Variants in SPATA13 observed in about 807,000 individuals in gnomAD.
SPATA13 encodes the protein spermatogenesis-associated protein 13.
In SPATA13, 50 loss-of-function variants were observed where a neutral mutation model predicts 104.0. That is an observed-to-expected ratio of 0.48 (90% CI 0.38 to 0.61). SPATA13 has a LOEUF of 0.61. Ranked by LOEUF, SPATA13 falls within the 20% of genes least tolerant of loss-of-function variation. The pLI, the probability that SPATA13 is intolerant of heterozygous loss-of-function variation, is 0.00. For synonymous variants in SPATA13, 606 were observed against 667.5 expected, an observed-to-expected ratio of 0.91 and a Z score of 1.42; for missense variants, 1,524 against 1,690.6, an observed-to-expected ratio of 0.90 and a Z score of 1.73.
intron 3 of SPATA13, among the ~76,000 whole-genome samples, chr13:24,127,387 C>T (rs1881253295): frequency 1.3e-5 from 2 of 152,222 alleles, no homozygotes; most frequent in Admixed American, 6.5e-5. Context: ...ATTTCCTTCT[C>T]TCTCCCTCCA....
chr13:24,220,381 C>A (rs772086299), intron 1 of SPATA13, among the ~76,000 whole-genome samples: 2 of 151,602 alleles, frequency 1.3e-5, no homozygotes, highest in African/African-American at 4.9e-5. Flanking sequence ...GTATTCAGTG[C>A]GAGTCATAAG....
At chr13:24,084,564 A>C (rs1879658889) in intron 3 of SPATA13, among the ~76,000 whole-genome samples, 1 of 152,032 alleles carries the variant, frequency 6.6e-6, no homozygotes, top group East Asian at 1.9e-4. Context: ...AACACTACAC[A>C]GTTCTTCAGC....
chr13:24,202,744 T>C (rs1396608806), intron 1 of SPATA13, among the ~76,000 whole-genome samples: 1 of 152,094 alleles, frequency 6.6e-6, no homozygotes, highest in Non-Finnish European at 1.5e-5. Flanking sequence ...TGTTTTTGCA[T>C]TTATTATTTG....
chr13:24,149,829 T>C (rs778604753), intron 3 of SPATA13, among the ~76,000 whole-genome samples: 1 of 151,910 alleles, frequency 6.6e-6, no homozygotes, highest in African/African-American at 2.4e-5. Flanking sequence ...TTGAACTCGG[T>C]TGTGTGGGTG....
intron 4 of SPATA13, among the ~76,000 whole-genome samples, chr13:24,268,651 C>T (rs771363989): frequency 3.9e-5 from 6 of 152,024 alleles, no homozygotes; most frequent in Admixed American, 2.6e-4. Context: ...CCCAGCTACT[C>T]GGGAGGCTGA....
Position 24,278,791 on chromosome 13 carries a change from G to GA in SPATA13, c.2165-5336dup, listed in dbSNP as rs749470297. Reference sequence around the variant, plus strand: ...ACTCAAAAAAGAAAAATATAGAAAAGAAAAAAAATGTGCATCGCTATCATT... The same window carrying GA: ...ACTCAAAAAAGAAAAATATAGAAAAGAAAAAAAAATGTGCATCGCTATCATT... On this transcript the variant is annotated intron_variant, in intron 4 of 12. Coordinates refer to ENST00000382108, the MANE Select transcript of SPATA13 (RefSeq NM_001166271.3). 36 of 1,599,048 alleles carry GA rather than the reference G, an allele frequency of 2.3e-5. No individual in the cohort carries two copies. The African/African-American group carries it at 2.3e-4, about 10-fold the overall frequency.
At chr13:24,115,117 C>T (rs908589702) in intron 3 of SPATA13, among the ~76,000 whole-genome samples, 13 of 152,186 alleles carry the variant, frequency 8.5e-5, no homozygotes, top group African/African-American at 3.1e-4. Context: ...CCATCTGGCC[C>T]TGTGTTTTGA....
At chr13:24,092,843 G>T (rs1170578990) in intron 3 of SPATA13, among the ~76,000 whole-genome samples, 4 of 152,194 alleles carry the variant, frequency 2.6e-5, no homozygotes, top group African/African-American at 9.7e-5. Flanking sequence ...CCACTGTGTG[G>T]ACTTACTGAA....
chr13:24,033,193 G>C (rs898956251), intron 3 of SPATA13, among the ~76,000 whole-genome samples: 1 of 152,176 alleles, frequency 6.6e-6, no homozygotes, highest in Non-Finnish European at 1.5e-5. Flanking sequence ...CTCCCACTCT[G>C]TGTGAAGCCA....
intron 3 of SPATA13, among the ~76,000 whole-genome samples, chr13:24,148,370 T>TA (rs1882000753): frequency 1.3e-5 from 2 of 150,260 alleles, no homozygotes; most frequent in African/African-American, 2.5e-5. Context: ...TTTTTTTATT[T>TA]TTTTTTCCTG....
chr13:24,190,228 ATAT>A (rs1231802223), intron 1 of SPATA13, among the ~76,000 whole-genome samples: 1 of 107,620 alleles, frequency 9.3e-6, no homozygotes, highest in African/African-American at 3.9e-5. Context: ...TATATAATAT[ATAT>A]TATTATATAA....
At chr13:23,984,850 A>T in intron 2 of SPATA13, among the ~76,000 whole-genome samples, 1 of 152,180 alleles carries the variant, frequency 6.6e-6, no homozygotes, top group East Asian at 1.9e-4. Context: ...CAGCACTTGG[A>T]GTTTGAAAAG....
chr13:24,192,910 G>C (rs1297172367), intron 1 of SPATA13, among the ~76,000 whole-genome samples: 1 of 152,196 alleles, frequency 6.6e-6, no homozygotes, highest in Non-Finnish European at 1.5e-5. Context: ...AGCACTGGTA[G>C]AGATGGACAG....
chr13:24,301,414 A>G (rs1038817652), intron 12 of SPATA13, among the ~76,000 whole-genome samples: 1 of 152,226 alleles, frequency 6.6e-6, no homozygotes, highest in Admixed American at 6.5e-5. Context: ...TAAGTTACAA[A>G]TATCTTTAAG....
upstream of SPATA13, among the ~76,000 whole-genome samples, chr13:24,158,331 T>C (rs919390360): frequency 6.6e-6 from 1 of 152,200 alleles, no homozygotes; most frequent in Non-Finnish European, 1.5e-5. Flanking sequence ...GAGAGCCATG[T>C]TGACAGAAAG....
intron 2 of SPATA13, among the ~76,000 whole-genome samples, chr13:24,228,007 C>T (rs1311514118): frequency 1.3e-5 from 2 of 152,028 alleles, no homozygotes; most frequent in African/African-American, 4.8e-5. Flanking sequence ...CGGGTTCAAG[C>T]GATTCTTCCG....
intron 9 of SPATA13, among the ~76,000 whole-genome samples, chr13:24,292,421 G>A (rs1014940706): frequency 2.0e-5 from 3 of 152,160 alleles, no homozygotes; most frequent in Non-Finnish European, 4.4e-5. Context: ...ACCCAGGGGC[G>A]CAGGGGTCTA....
chr13:24,018,833 G>A (rs1876832284), intron 3 of SPATA13, among the ~76,000 whole-genome samples: 1 of 152,180 alleles, frequency 6.6e-6, no homozygotes, highest in Admixed American at 6.5e-5. Flanking sequence ...TATCATACGA[G>A]TGGATTATCA....
At chr13:24,228,512 C>G (rs558842174) in intron 2 of SPATA13, among the ~76,000 whole-genome samples, 1 of 152,276 alleles carries the variant, frequency 6.6e-6, no homozygotes, top group African/African-American at 2.4e-5. Flanking sequence ...TTCGGTGTTA[C>G]TTGTAGAGAA....
Sources: gnomAD v4.1 joint callset for allele counts (sites outside exome capture counted in the v4.1 genomes callset) on GRCh38, gnomAD v4.1.1 for gene constraint, MANE v1.5 for transcripts, NCBI Gene and HGNC (gene_info 2026-07-23, HGNC 2026-07-21) for gene names.